FASTKD1: variants seen among roughly 807,000 people sequenced by gnomAD.
The protein encoded by FASTKD1 is FAST kinase domains 1.
Under a neutral mutation model 90.9 loss-of-function variants are expected in FASTKD1, and 94 were observed. The observed-to-expected ratio is 1.03, with a 90% CI of 0.88 to 1.23. The LOEUF is 1.23. FASTKD1 is among the 50% of genes most tolerant of loss of function. The pLI, the probability that FASTKD1 is intolerant of heterozygous loss-of-function variation, is 0.00. For synonymous variants in FASTKD1, 319 were observed against 345.8 expected (o/e 0.92, Z 0.86); for missense variants, 945 against 993.5 (o/e 0.95, Z 0.66).
chr2:169,569,750 C>T (rs1355563714), intron 2 of FASTKD1, among the ~76,000 whole-genome samples: 1 of 152,090 alleles, frequency 6.6e-6, no homozygotes, highest in East Asian at 1.9e-4. Flanking sequence ...ACTCAGGAGG[C>T]TACGGCAGGA....
At chr2:169,542,432 C>T (rs1684997971) in intron 9 of FASTKD1, among the ~76,000 whole-genome samples, 1 of 152,094 alleles carries the variant, frequency 6.6e-6, no homozygotes, top group African/African-American at 2.4e-5. Flanking sequence ...CAACTCAGGA[C>T]CCAAAATAAA....
At chr2:169,538,319 G>A (rs1214326796) in intron 10 of FASTKD1, among the ~76,000 whole-genome samples, 178 bp from the exon 11 acceptor site, 2 of 151,980 alleles carry the variant, frequency 1.3e-5, no homozygotes, top group Non-Finnish European at 2.9e-5. Flanking sequence ...ATTACATTCA[G>A]TGACATGATT....
At chr2:169,567,217 T>C (rs751523502) in intron 3 of FASTKD1, among the ~76,000 whole-genome samples, 15 of 152,188 alleles carry the variant, frequency 9.9e-5, no homozygotes, top group Non-Finnish European at 1.6e-4. Context: ...TGATTCACTA[T>C]AAAATACAAT....
chr2:169,554,223 A>G (rs1681224606), intron 7 of FASTKD1, among the ~76,000 whole-genome samples: 1 of 127,350 alleles, frequency 7.9e-6, no homozygotes, highest in Non-Finnish European at 1.6e-5. Context: ...GGCTGCCGTG[A>G]GCTATGATTG....
At chr2:169,553,096 A>G (rs1685566050) in intron 7 of FASTKD1, among the ~76,000 whole-genome samples, 1 of 151,978 alleles carries the variant, frequency 6.6e-6, no homozygotes, top group African/African-American at 2.4e-5. Context: ...AATCTCAGCT[A>G]CTTGGGAGGC....
intron 8 of FASTKD1, 71 bp downstream of exon 8, chr2:169,546,147 G>A: frequency 2.1e-6 from 3 of 1,420,964 alleles, no homozygotes; most frequent in African/African-American, 1.4e-5. Context: ...TTCTCAAAGT[G>A]CCTATGATAA....
chr2:169,568,372 C>A (rs1450332388), intron 3 of FASTKD1, among the ~76,000 whole-genome samples: 2 of 151,678 alleles, frequency 1.3e-5, no homozygotes, highest in African/African-American at 4.8e-5. Flanking sequence ...AAAGAAGATT[C>A]AAAAAGGCTA....
chr2:169,559,541 AT>A (rs1683488496), intron 5 of FASTKD1, among the ~76,000 whole-genome samples: 5 of 152,136 alleles, frequency 3.3e-5, no homozygotes, highest in African/African-American at 1.2e-4. Flanking sequence ...GGTGATCCTC[AT>A]GAGTAGCTGG....
chr2:169,545,577 G>A (rs552540614), intron 8 of FASTKD1, among the ~76,000 whole-genome samples: 3 of 152,226 alleles, frequency 2.0e-5, no homozygotes, highest in Non-Finnish European at 2.9e-5. Flanking sequence ...TCCATAAAGC[G>A]GCATTTTACA....
chr2:169,542,528 G>A (rs1685002021), intron 9 of FASTKD1, among the ~76,000 whole-genome samples: 1 of 152,324 alleles, frequency 6.6e-6, no homozygotes, highest in Non-Finnish European at 1.5e-5. Context: ...ACAGCAGGAA[G>A]GACTATTTCT....
At chr2:169,566,382 T>C (rs987239584) in intron 3 of FASTKD1, among the ~76,000 whole-genome samples, 1 of 152,164 alleles carries the variant, frequency 6.6e-6, no homozygotes, top group African/African-American at 2.4e-5. Flanking sequence ...GATGGGTACA[T>C]GGGAATTCGT....
intron 8 of FASTKD1, 101 bp from the exon 9 acceptor site, chr2:169,544,936 T>C: frequency 1.6e-6 from 1 of 620,244 alleles, no homozygotes; most frequent in Non-Finnish European, 2.8e-6. Flanking sequence ...CTATCATCGC[T>C]ACAGTTAAAT....
intron 2 of FASTKD1, 43 bp downstream of exon 2, chr2:169,571,610 A>G (rs755904869): frequency 7.6e-6 from 9 of 1,188,176 alleles, no homozygotes; most frequent in Non-Finnish European, 1.0e-5. Flanking sequence ...TTAAAATGTA[A>G]ACTATATAAT....
At chr2:169,573,447 G>A (rs1394096988) in intron 1 of FASTKD1, 1 of 152,254 alleles carries the variant, frequency 6.6e-6, no homozygotes, top group Non-Finnish European at 1.5e-5. Flanking sequence ...CTACAGGAAG[G>A]GCCTTGGGAC....
intron 7 of FASTKD1, among the ~76,000 whole-genome samples, chr2:169,552,570 A>G (rs1685534950): frequency 6.6e-6 from 1 of 152,316 alleles, no homozygotes; most frequent in East Asian, 1.9e-4. Flanking sequence ...AGCCATTAAA[A>G]GGAACACAAT....
chr2:169,537,404 A>T (rs1684770763), intron 11 of FASTKD1, 64 bp from the exon 12 acceptor site: 3 of 1,202,444 alleles, frequency 2.5e-6, no homozygotes, highest in Non-Finnish European at 3.5e-6. Flanking sequence ...TTCCTTTGAG[A>T]CGGAGTTTTC....
At chr2:169,530,746 AACTG>A in intron 13 of FASTKD1, 45 bp from the exon 14 acceptor site, 1 of 1,026,332 alleles carries the variant, frequency 9.7e-7, no homozygotes, top group Admixed American at 2.3e-5. Flanking sequence ...CAGAATAAGA[AACTG>A]AATAATTACA....
chr2:169,557,126 G>A, intron 6 of FASTKD1, 61 bp downstream of exon 6: 1 of 1,099,394 alleles, frequency 9.1e-7, no homozygotes, highest in South Asian at 1.3e-5. Context: ...TTTTTCCTTA[G>A]AAAAAAATAG....
intron 3 of FASTKD1, among the ~76,000 whole-genome samples, chr2:169,566,993 T>TAGTC (rs1478265058): frequency 5.3e-5 from 8 of 152,050 alleles, no homozygotes; most frequent in African/African-American, 1.7e-4. Flanking sequence ...CAGGTGCCTG[T>TAGTC]AGTCCCAGCT....
Sources: allele counts gnomAD v4.1 joint callset (sites outside exome capture counted in the v4.1 genomes callset), GRCh38; gene constraint gnomAD v4.1.1; transcripts MANE v1.5; gene names NCBI Gene and HGNC (gene_info 2026-07-23, HGNC 2026-07-21).